RAB4A: variants seen among roughly 807,000 people sequenced by gnomAD.
RAB4A encodes ras-related protein Rab-4A.
Under a neutral mutation model 34.5 loss-of-function variants are expected in RAB4A, and 20 were observed. That is an observed-to-expected ratio of 0.58 (90% CI 0.41 to 0.84). The LOEUF is 0.84. Ranked by LOEUF, RAB4A falls within the 40% of genes least tolerant of loss-of-function variation. The probability of loss-of-function intolerance (pLI) is 0.00; values close to 1 mark genes in which losing one functional copy is unlikely to be tolerated. For synonymous variants in RAB4A, 102 were observed against 100.0 expected (o/e 1.02, Z -0.12); for missense variants, 228 against 274.5 (o/e 0.83, Z 1.20).
chr1:229,289,549 G>T (rs183959873), intron 3 of RAB4A, among the ~76,000 whole-genome samples: 43 of 152,256 alleles, frequency 2.8e-4, no homozygotes, highest in Non-Finnish European at 4.1e-4. Context: ...GCACAATGGC[G>T]CATGCCTGTA....
In RAB4A at chr1:229,305,003, A is replaced by G. The variant is rs372933536; in HGVS notation, c.*1210A>G. On this transcript the variant is annotated 3_prime_UTR_variant, in exon 8 of 8. Transcript: ENST00000366690. Reference sequence around the variant, plus strand: ...TCTGAAAGGTTAAAAAGCTTTCTTCACCTTATATATGTTCTTCCACTGTGA... The same window carrying G: ...TCTGAAAGGTTAAAAAGCTTTCTTCGCCTTATATATGTTCTTCCACTGTGA... The G allele has an allele frequency of 2.2e-4, 233 of 1,046,582 alleles. 1 individual carries two copies. The African/African-American group carries it at 3.5e-3, about 16-fold the overall frequency. The allele number at this position is 1,046,582 out of a possible 1,614,324, so 64.8% of individuals were successfully genotyped here.
At chr1:229,297,250 A>T (rs1657273322) in intron 4 of RAB4A, among the ~76,000 whole-genome samples, 1 of 152,250 alleles carries the variant, frequency 6.6e-6, no homozygotes, top group Non-Finnish European at 1.5e-5. Context: ...ATGACTGGGC[A>T]AACGAAAAAT....
intron 2 of RAB4A, among the ~76,000 whole-genome samples, chr1:229,287,803 A>G (rs1656966012): frequency 6.6e-6 from 1 of 152,212 alleles, no homozygotes; most frequent in Non-Finnish European, 1.5e-5. Flanking sequence ...TCTGCCCTGT[A>G]AATAATAAAT....
intron 1 of RAB4A, among the ~76,000 whole-genome samples, chr1:229,281,816 TTATATATA>T (rs61184911): frequency 0.011 from 1,585 of 140,360 alleles, 24 homozygotes; most frequent in African/African-American, 0.032. Flanking sequence ...CTTATCATAG[TTATATATA>T]TATATATATA....
At chr1:229,272,402 G>T (rs1379486836) in intron 1 of RAB4A, among the ~76,000 whole-genome samples, 1 of 152,166 alleles carries the variant, frequency 6.6e-6, no homozygotes, top group Non-Finnish European at 1.5e-5. Context: ...AGCGAGCACC[G>T]TGCTGGGAGG....
chr1:229,302,002 A>G (rs1014338374), intron 6 of RAB4A, among the ~76,000 whole-genome samples: 1 of 151,796 alleles, frequency 6.6e-6, no homozygotes, highest in Non-Finnish European at 1.5e-5. Context: ...CTGAAAGGAA[A>G]TGCTCATTGG....
chr1:229,276,074 A>G (rs1261346959), intron 1 of RAB4A, among the ~76,000 whole-genome samples: 1 of 151,516 alleles, frequency 6.6e-6, no homozygotes, highest in African/African-American at 2.5e-5. Flanking sequence ...ACCAAAACAA[A>G]GGACATTTCT....
chr1:229,297,761 C>CTA, intron 5 of RAB4A, 125 bp downstream of exon 5: 1 of 1,123,390 alleles, frequency 8.9e-7, no homozygotes, highest in Non-Finnish European at 1.2e-6. Context: ...GTGGAATTTC[C>CTA]AATTGTTTTT....
intron 1 of RAB4A, among the ~76,000 whole-genome samples, chr1:229,280,692 C>T (rs1187742008): frequency 6.6e-6 from 1 of 152,142 alleles, no homozygotes; most frequent in East Asian, 1.9e-4. Context: ...TGCAGAATAT[C>T]ACAACTAGGA....
At chr1:229,281,469 T>C (rs1376906992) in intron 1 of RAB4A, among the ~76,000 whole-genome samples, 1 of 152,130 alleles carries the variant, frequency 6.6e-6, no homozygotes, top group Non-Finnish European at 1.5e-5. Context: ...TTTCTTTGAT[T>C]AATGTTTGTA....
chr1:229,296,862 C>T (rs1657263109), intron 4 of RAB4A, among the ~76,000 whole-genome samples: 1 of 152,198 alleles, frequency 6.6e-6, no homozygotes, highest in Non-Finnish European at 1.5e-5. Context: ...AGCAAAGTGC[C>T]ATGAGAAGAA....
chr1:229,294,276 G>C (rs1396465847), intron 3 of RAB4A, among the ~76,000 whole-genome samples: 2 of 152,310 alleles, frequency 1.3e-5, no homozygotes, highest in East Asian at 1.9e-4. Flanking sequence ...AATGTTAAGA[G>C]AGCCCAGGAC....
At position 229,282,309 on chromosome 1, in the gene RAB4A, A is replaced by C. The variant is rs188366205; in HGVS notation, c.32-4177A>C. 1.8e-4 allele frequency among the ~76,000 whole-genome samples: 27 copies of C among 152,176 alleles called. No individual in the cohort carries two copies. The East Asian group carries it at 5.2e-3, about 29-fold the overall frequency. On this transcript the variant is annotated intron_variant, in intron 1 of 7. Coordinates refer to ENST00000366690, the MANE Select transcript of RAB4A (RefSeq NM_004578.4). ...CAGATGAGAAATCTGCTGTTATTCG[A>C]ATTGTATTTCCCTTGTAGATATGGT... is the stretch of plus-strand genomic sequence containing the variant.
chr1:229,291,004 C>T (rs1657055860), intron 3 of RAB4A, among the ~76,000 whole-genome samples: 1 of 152,092 alleles, frequency 6.6e-6, no homozygotes, highest in African/African-American at 2.4e-5. Context: ...AATTTCAGAA[C>T]ACCACAGATG....
At chr1:229,274,206 C>G (rs1656578381) in intron 1 of RAB4A, among the ~76,000 whole-genome samples, 1 of 150,634 alleles carries the variant, frequency 6.6e-6, no homozygotes, top group Admixed American at 6.6e-5. Context: ...GTGCATGCCA[C>G]CACACCTGGC....
intron 1 of RAB4A, among the ~76,000 whole-genome samples, chr1:229,272,129 T>TC (rs1196450544): frequency 7.2e-5 from 11 of 151,918 alleles, no homozygotes; most frequent in East Asian, 3.8e-4. Context: ...TTTTTTTTTT[T>TC]CTCCCCTTTT....
chr1:229,299,007 C>T lies in RAB4A; in HGVS notation c.476C>T (p.Thr159Ile). The part of the protein sequence containing the change: ...ELMFLETSAL[T>I]GENVEEAFVQ... ...ATGTTTTTGGAAACAAGTGCGCTCA[C>T]AGGGGAGAATGTAGAAGAGGCTTTT... is the stretch of plus-strand genomic sequence containing the variant. Residue 159 changes from threonine (T) to isoleucine (I), a missense_variant, in exon 6 of 8, where the codon ACA becomes ATA. Physicochemically the swap from Thr to Ile is moderately conservative, Grantham distance 89 (BLOSUM62 -1). Transcript: ENST00000366690. 1 of 1,611,430 alleles carries T rather than the reference C, an allele frequency of 6.2e-7. No individual in the cohort carries two copies.
rs368882764 is a variant in RAB4A, at chr1:229,295,817, G to A, written c.228-31G>A. 9.3e-6 allele frequency: 15 copies of A among 1,612,864 alleles called. No individual in the cohort carries two copies. The African/African-American group carries it at 2.0e-4, about 22-fold the overall frequency. ...GGGATACAGTAAAGGGTCTCAATTGGTTGAAAGTAAAACCAGTATAATTCT... is the reference window on the plus strand; with the variant it reads ...GGGATACAGTAAAGGGTCTCAATTGATTGAAAGTAAAACCAGTATAATTCT... On this transcript the variant is annotated intron_variant, in intron 3 of 7. Transcript: ENST00000366690.
chr1:229,302,281 A>G (rs1558242224), intron 6 of RAB4A, among the ~76,000 whole-genome samples: 1 of 18,052 alleles, frequency 5.5e-5, no homozygotes, highest in Non-Finnish European at 1.0e-4. Flanking sequence ...ATATATATAT[A>G]TATATATATA....
Sources: allele counts gnomAD v4.1 joint callset (sites outside exome capture counted in the v4.1 genomes callset), GRCh38; gene constraint gnomAD v4.1.1; transcripts MANE v1.5; gene names NCBI Gene and HGNC (gene_info 2026-07-23, HGNC 2026-07-21).